Variants in SH3TC1 observed in about 807,000 individuals in gnomAD.
SH3TC1 encodes SH3 domain and tetratricopeptide repeats 1, also known as SH3 domain and tetratricopeptide repeat-containing protein 1.
SH3TC1 carries 135 observed loss-of-function variants against 117.3 expected under a neutral mutation model. That is an observed-to-expected ratio of 1.15 (90% confidence interval 1.00 to 1.33). SH3TC1 has a LOEUF of 1.33. Ranked by LOEUF, SH3TC1 falls within the 40% of genes most tolerant of loss-of-function variation. SH3TC1 has a pLI of 0.00. For synonymous variants in SH3TC1, 898 were observed against 816.9 expected (o/e 1.10, Z -1.69); for missense variants, 2,092 against 1,794.3 (o/e 1.17, Z -3.00).
chr4:8,184,423 C>T (rs752423470), intron 1 of SH3TC1, among the ~76,000 whole-genome samples: 9 of 151,874 alleles, frequency 5.9e-5, no homozygotes, highest in African/African-American at 1.9e-4. Context: ...CTCTGTGCCC[C>T]GGCTGGAGTG....
rs756432462 is a variant in SH3TC1, at chr4:8,210,240, G to A, written c.247+418G>A. On this transcript the variant is annotated intron_variant, in intron 3 of 17. Transcript: ENST00000245105. This position sits in a 1 kb window ranked among gnomAD's most constrained non-coding sequence, Gnocchi z 4.1. ...GAGGGAGGCAGCCCTGGGCCGGGGA[G>A]CAGAGCCCACAAAGGGGGCCCAGGA... 1.1e-4 allele frequency among the ~76,000 whole-genome samples: 16 copies of A among 152,166 alleles called. No homozygotes were observed. Among genetic ancestry groups the A allele is most frequent in the Non-Finnish European group, 1.6e-4 (11 of 67,990 alleles).
intron 14 of SH3TC1, among the ~76,000 whole-genome samples, chr4:8,234,572 C>T (rs1721635536): frequency 1.3e-5 from 1 of 76,868 alleles, no homozygotes; most frequent in Non-Finnish European, 3.9e-5. Context: ...TCCATTTATC[C>T]ATCCATCCAC....
Position 8,190,765 on chromosome 4 carries a change from C to T in SH3TC1, c.-57+8555C>T, listed in dbSNP as rs1292095031. Among the ~76,000 whole-genome samples, 3 of 152,054 alleles carry T rather than the reference C, an allele frequency of 2.0e-5. No individual in the cohort carries two copies. Among genetic ancestry groups the T allele is most frequent in the African/African-American group, 4.8e-5 (2 of 41,408 alleles). ...AAGCAATGCTCCCACCTCAGCCTCC[C>T]GAGCAGCTGGGACTACAGGCACGCA... On this transcript the variant is annotated intron_variant, in intron 1 of 16. Coordinates refer to the SH3TC1 transcript ENST00000508641. The surrounding 1 kb of genome is among the most constrained non-coding windows in gnomAD (Gnocchi z 4.7).
At chr4:8,234,082 CCAT>C (rs1401334816) in intron 14 of SH3TC1, among the ~76,000 whole-genome samples, 5 of 151,220 alleles carry the variant, frequency 3.3e-5, no homozygotes, top group Non-Finnish European at 7.4e-5. Context: ...ATTTATTCAT[CCAT>C]CATTCCATCA....
rs1181124274 is a variant in SH3TC1, at chr4:8,235,361, G to A, written c.3283-72G>A. On this transcript the variant is annotated intron_variant, in intron 14 of 17. Coordinates refer to ENST00000245105, the MANE Select transcript of SH3TC1 (RefSeq NM_018986.5). ...GTGTGAGAGGAAGGAGGCTGGGCGG[G>A]GGAGTCCGACCTGGGTGGGCGTGGC... The A allele has an allele frequency of 7.1e-6, 10 of 1,410,952 alleles. No individual in the cohort carries two copies. The East Asian group carries it at 2.1e-4, about 29-fold the overall frequency. 87.4% of individuals were successfully genotyped at this position (1,410,952 alleles called of 1,614,324 possible). A position where few individuals can be genotyped will look rare whatever the true frequency, so the allele number is the denominator to read the frequency against.
chr4:8,203,974 G>T (rs1718003193), intron 1 of SH3TC1, among the ~76,000 whole-genome samples: 1 of 152,192 alleles, frequency 6.6e-6, no homozygotes, highest in South Asian at 2.1e-4. Context: ...CAGCTGGAAG[G>T]CCCCAGCCTC....
At chr4:8,208,405 T>C (rs1228501916) in intron 2 of SH3TC1, among the ~76,000 whole-genome samples, 1 of 150,636 alleles carries the variant, frequency 6.6e-6, no homozygotes. Context: ...TCTCGCTCTG[T>C]TGCCCAGGCT....
chr4:8,205,132 G>T lies in SH3TC1; in HGVS notation c.-28-35G>T. On this transcript the variant is annotated intron_variant, in intron 1 of 17. Coordinates refer to ENST00000245105, the MANE Select transcript of SH3TC1 (RefSeq NM_018986.5). The surrounding 1 kb of genome is among the most constrained non-coding windows in gnomAD (Gnocchi z 5.4). ...CAACCTCCGTGCTGGTTCTGGAGGG[G>T]CCACCTCTCCTGACCACACCCCCTC... 2 of 1,436,358 alleles carry T rather than the reference G, an allele frequency of 1.4e-6. No individual in the cohort carries two copies. Among genetic ancestry groups the T allele is most frequent in the Non-Finnish European group, 9.2e-7 (1 of 1,090,000 alleles). The allele number at this position is 1,436,358 out of a possible 1,614,324, so 89.0% of individuals were successfully genotyped here. A position where few individuals can be genotyped will look rare whatever the true frequency, so the allele number is the denominator to read the frequency against.
At chr4:8,199,976 C>A (rs1561676371) in intron 1 of SH3TC1, among the ~76,000 whole-genome samples, 1 of 152,206 alleles carries the variant, frequency 6.6e-6, no homozygotes, top group African/African-American at 2.4e-5. Context: ...TGGGCCCAGC[C>A]TTCAACTGCA....
At chr4:8,188,436 TC>T (rs1207163534) in intron 1 of SH3TC1, among the ~76,000 whole-genome samples, 1 of 152,158 alleles carries the variant, frequency 6.6e-6, no homozygotes, top group African/African-American at 2.4e-5. Context: ...GTGGGACCCC[TC>T]CCCTACGCTG....
At chr4:8,220,690 G>A (rs1719829035) in intron 9 of SH3TC1, among the ~76,000 whole-genome samples, 1 of 152,184 alleles carries the variant, frequency 6.6e-6, no homozygotes, top group South Asian at 2.1e-4. Context: ...CCCCACCAAT[G>A]AGATGCTTGT....
At chr4:8,185,478 C>T (rs1199903653) in intron 1 of SH3TC1, among the ~76,000 whole-genome samples, 1 of 152,146 alleles carries the variant, frequency 6.6e-6, no homozygotes, top group Non-Finnish European at 1.5e-5. Flanking sequence ...GGCTCACCGA[C>T]TCAGCTCCCC....
chr4:8,213,876 G>A (rs756997920), intron 4 of SH3TC1, among the ~76,000 whole-genome samples: 15 of 137,944 alleles, frequency 1.1e-4, no homozygotes, highest in African/African-American at 3.9e-4. Flanking sequence ...GCAGAGTGGG[G>A]CCTCATCTCT....
At position 8,228,458 on chromosome 4, in the gene SH3TC1, G is replaced by T. The variant is rs1277777389; in HGVS notation, c.2764G>T (p.Ala922Ser). The T allele has an allele frequency of 1.2e-6, 2 of 1,605,978 alleles. No individual in the cohort carries two copies. The highest frequency in any genetic ancestry group is 1.7e-6 in the Non-Finnish European group (2 of 1,176,528). ...CCTGCATGCGGGTGCCAGCAGGCTG[G>T]CCCAGCACTACCTCCTGGAGGCCGT... ...LCLHAGASRL[A>S]QHYLLEAVRL... is the part of the protein sequence containing the mutation. The change falls in exon 12 of 18, where the codon GCC becomes TCC. Residue 922 changes from alanine (A) to serine (S), a missense_variant. Physicochemically the swap from Ala to Ser is moderately conservative, Grantham distance 99 (BLOSUM62 1). Coordinates refer to ENST00000245105, the MANE Select transcript of SH3TC1 (RefSeq NM_018986.5).
Position 8,206,906 on chromosome 4 carries a change from A to G in SH3TC1, c.172+1540A>G, listed in dbSNP as rs1718257098. On this transcript the variant is annotated intron_variant, in intron 2 of 17. Transcript: ENST00000245105. The surrounding 1 kb of genome is among the most constrained non-coding windows in gnomAD (Gnocchi z 5.5). ...ATCCTTTTGGGAGTAAATTGCAGAC[A>G]TGATGCCCCTTCATCCTAAAAGGTG... Among the ~76,000 whole-genome samples, 1 of 151,780 alleles carries G rather than the reference A, an allele frequency of 6.6e-6. No homozygotes were observed. Among genetic ancestry groups the G allele is most frequent in the Non-Finnish European group, 1.5e-5 (1 of 67,982 alleles).
At chr4:8,228,729 T>A in intron 12 of SH3TC1, 85 bp downstream of exon 12, 2 of 1,168,626 alleles carry the variant, frequency 1.7e-6, no homozygotes, top group South Asian at 1.7e-5. Context: ...ACACAAGCGG[T>A]GGTTTTTCCA....
At position 8,225,207 on chromosome 4, in the gene SH3TC1, C is replaced by T; in HGVS notation, c.1276C>T (p.Gln426Ter). The change falls in exon 11 of 18, where the codon CAG becomes TAG. Residue 426 changes from glutamine (Q) to a stop codon, truncating the protein, a stop_gained. Coordinates refer to ENST00000245105, the MANE Select transcript of SH3TC1 (RefSeq NM_018986.5). LOFTEE classifies it high-confidence loss of function. This position sits in a 1 kb window ranked among gnomAD's most constrained non-coding sequence, Gnocchi z 5.5. ...AGAGGAAGCTGAGACCGAGCAGCCGCAGGAAAAAGGTGGGTTTTGCCAGTG... is the reference window on the plus strand; with the variant it reads ...AGAGGAAGCTGAGACCGAGCAGCCGTAGGAAAAAGGTGGGTTTTGCCAGTG... ...SVEEAETEQPQEKEIPPPCLS... is the reference protein window; with the variant it reads ...SVEEAETEQP 6.2e-7 allele frequency: 1 copy of T among 1,613,828 alleles called. No individual in the cohort carries two copies. The highest frequency in any genetic ancestry group is 8.5e-7 in the Non-Finnish European group (1 of 1,179,914).
At chr4:8,220,825 G>A (rs60712671) in intron 9 of SH3TC1, among the ~76,000 whole-genome samples, 3,477 of 152,300 alleles carry the variant, frequency 0.023, 128 homozygotes, top group African/African-American at 0.079. Context: ...GAAAGGGTCC[G>A]TCTGCTCTGG....
intron 10 of SH3TC1, among the ~76,000 whole-genome samples, chr4:8,223,615 T>G (rs1720153593): frequency 6.6e-6 from 1 of 151,076 alleles, no homozygotes; most frequent in Non-Finnish European, 1.5e-5. Context: ...AACACAAATG[T>G]GTGGCTACAC....
Sources: gnomAD v4.1 joint callset for allele counts (sites outside exome capture counted in the v4.1 genomes callset) on GRCh38, gnomAD v4.1.1 for gene constraint, Gnocchi (gnomAD v3.1) non-coding constraint, MANE v1.5 for transcripts, NCBI Gene and HGNC (gene_info 2026-07-23, HGNC 2026-07-21) for gene names.